HCRTR2: variants seen among roughly 807,000 people sequenced by gnomAD.
HCRTR2 encodes the protein hypocretin receptor 2.
A neutral mutation model predicts 49.0 loss-of-function variants in HCRTR2; 22 were observed. The ratio of observed to expected loss-of-function variants is 0.45; its 90% CI spans 0.32 to 0.64. HCRTR2 has a LOEUF of 0.64. HCRTR2 is among the 30% of genes least tolerant of loss of function. The probability of loss-of-function intolerance (pLI) is 0.04; values close to 1 mark genes in which losing one functional copy is unlikely to be tolerated. For synonymous variants in HCRTR2, 236 were observed against 205.3 expected, an observed-to-expected ratio of 1.15 and a Z score of -1.28; for missense variants, 491 against 559.4, an observed-to-expected ratio of 0.88 and a Z score of 1.23.
chr6:55,234,422 TAAG>T (rs1554181226), intron 1 of HCRTR2, among the ~76,000 whole-genome samples: 2 of 152,034 alleles, frequency 1.3e-5, no homozygotes, highest in Non-Finnish European at 2.9e-5. Flanking sequence ...TAAAATACGA[TAAG>T]AAGAGAGGGG....
At chr6:55,110,935 G>A (rs1158364651) in intron 1 of HCRTR2, among the ~76,000 whole-genome samples, 1 of 152,136 alleles carries the variant, frequency 6.6e-6, no homozygotes, top group East Asian at 1.9e-4. Flanking sequence ...CTATTCAACT[G>A]CACATGGAAC....
At chr6:55,240,828 T>A in intron 1 of HCRTR2, 1 of 403,086 alleles carries the variant, frequency 2.5e-6, no homozygotes, top group Non-Finnish European at 5.0e-6. Flanking sequence ...AGGAGTTAAA[T>A]ATAGGCTTTC....
At chr6:55,161,167 G>A (rs1208553655) in intron 1 of HCRTR2, among the ~76,000 whole-genome samples, 1 of 152,058 alleles carries the variant, frequency 6.6e-6, no homozygotes, top group Non-Finnish European at 1.5e-5. Flanking sequence ...TAAGAGCTCT[G>A]GAATAAGAAA....
chr6:55,226,989 A>G (rs9367624), intron 1 of HCRTR2, among the ~76,000 whole-genome samples: 52,082 of 151,880 alleles, frequency 0.34, 9,740 homozygotes, highest in African/African-American at 0.49. Flanking sequence ...CAAATTTAAC[A>G]CATCTATTTA....
intron 1 of HCRTR2, among the ~76,000 whole-genome samples, chr6:55,175,732 C>T (rs1310581578): frequency 6.6e-6 from 1 of 152,098 alleles, no homozygotes; most frequent in African/African-American, 2.4e-5. Context: ...GAGATGGCAA[C>T]ATGGTGAGTG....
At chr6:55,235,175 G>T (rs558806561) in intron 1 of HCRTR2, among the ~76,000 whole-genome samples, 1 of 152,140 alleles carries the variant, frequency 6.6e-6, no homozygotes, top group Non-Finnish European at 1.5e-5. Context: ...TTGTTGGCAG[G>T]GGGGATGTTG....
chr6:55,238,988 T>A (rs1437274997), intron 1 of HCRTR2, among the ~76,000 whole-genome samples: 1 of 152,152 alleles, frequency 6.6e-6, no homozygotes, highest in East Asian at 1.9e-4. Context: ...TTTATGGCCC[T>A]GTAGAACTCT....
At chr6:55,257,344 A>C (rs114667888) in intron 3 of HCRTR2, among the ~76,000 whole-genome samples, 1 of 152,244 alleles carries the variant, frequency 6.6e-6, no homozygotes, top group Non-Finnish European at 1.5e-5. Context: ...TTATGAAGCA[A>C]ATAGGTACAT....
At chr6:55,197,913 G>A (rs1765446848) in intron 1 of HCRTR2, among the ~76,000 whole-genome samples, 1 of 152,008 alleles carries the variant, frequency 6.6e-6, no homozygotes, top group Non-Finnish European at 1.5e-5. Context: ...GAGCCACCAC[G>A]CCCAGCCGAC....
intron 1 of HCRTR2, among the ~76,000 whole-genome samples, chr6:55,246,783 A>C (rs1766453234): frequency 1.3e-5 from 2 of 152,038 alleles, no homozygotes; most frequent in African/African-American, 4.8e-5. Context: ...TTCACTTCCT[A>C]GTGTTATTAT....
intron 1 of HCRTR2, among the ~76,000 whole-genome samples, chr6:55,236,139 G>A (rs1198478221): frequency 6.6e-6 from 1 of 151,642 alleles, no homozygotes; most frequent in Non-Finnish European, 1.5e-5. Context: ...CCATGAGTAG[G>A]GTATATCCCC....
At chr6:55,206,755 TCATTTAATTA>T (rs1177884085) in intron 1 of HCRTR2, among the ~76,000 whole-genome samples, 1 of 152,078 alleles carries the variant, frequency 6.6e-6, no homozygotes, top group African/African-American at 2.4e-5. Context: ...AATATTTTTA[TCATTTAATTA>T]ATTTCAGAAA....
At chr6:55,164,179 G>C (rs1428940642) in intron 1 of HCRTR2, among the ~76,000 whole-genome samples, 1 of 152,204 alleles carries the variant, frequency 6.6e-6, no homozygotes, top group Non-Finnish European at 1.5e-5. Context: ...GTTGGTGGGA[G>C]TGTAAATTAG....
intron 1 of HCRTR2, among the ~76,000 whole-genome samples, chr6:55,221,674 G>T (rs186502963): frequency 1.3e-5 from 2 of 151,944 alleles, no homozygotes; most frequent in African/African-American, 4.8e-5. Context: ...TTAGCCGGGC[G>T]TGGTGGTGGG....
At chr6:55,209,222 G>A (rs909165155) in intron 1 of HCRTR2, among the ~76,000 whole-genome samples, 5 of 152,120 alleles carry the variant, frequency 3.3e-5, no homozygotes, top group Non-Finnish European at 5.9e-5. Context: ...AAGAACTAGT[G>A]AGTCATATAA....
intron 1 of HCRTR2, among the ~76,000 whole-genome samples, chr6:55,123,323 T>C (rs11965434): frequency 0.28 from 42,572 of 151,550 alleles, 6,713 homozygotes; most frequent in Non-Finnish European, 0.36. Context: ...TTATTGAGAG[T>C]TTTTAGTATG....
rs537045875 is a variant in HCRTR2, at chr6:55,203,086, A to G, written c.223+28276A>G. 2.6e-5 allele frequency among the ~76,000 whole-genome samples: 4 copies of G among 152,318 alleles called. No individual in the cohort carries two copies. The South Asian group carries it at 8.3e-4, about 32-fold the overall frequency. Reference sequence around the variant, plus strand: ...TCCAGTTTTACCGTTACATCAAATTAGAACTACATAATTAGGAACCCCTCT... The same window carrying G: ...TCCAGTTTTACCGTTACATCAAATTGGAACTACATAATTAGGAACCCCTCT... On this transcript the variant is annotated intron_variant, in intron 1 of 6. Transcript: ENST00000370862.
intron 4 of HCRTR2, among the ~76,000 whole-genome samples, chr6:55,269,863 C>G (rs1199201763): frequency 6.6e-6 from 1 of 152,132 alleles, no homozygotes; most frequent in East Asian, 1.9e-4. Flanking sequence ...ACTCAGGAAG[C>G]TGAGGCATGA....
chr6:55,231,675 C>T (rs1766117459), intron 1 of HCRTR2, among the ~76,000 whole-genome samples: 1 of 152,086 alleles, frequency 6.6e-6, no homozygotes, highest in Non-Finnish European at 1.5e-5. Flanking sequence ...AATTGACTTA[C>T]TTGTTAAAGA....
Sources: allele counts gnomAD v4.1 joint callset (sites outside exome capture counted in the v4.1 genomes callset), GRCh38; gene constraint gnomAD v4.1.1; transcripts MANE v1.5; gene names NCBI Gene and HGNC (gene_info 2026-07-23, HGNC 2026-07-21).